The following ZNF608 variants were observed in gnomAD, a reference collection of about 807,000 sequenced individuals.
ZNF608 encodes zinc finger protein 608, also known as renal carcinoma antigen NY-REN-36.
In ZNF608, 12 loss-of-function variants were observed where a neutral mutation model predicts 109.0. The observed-to-expected ratio is 0.11, with a 90% confidence interval of 0.07 to 0.18. The LOEUF (loss-of-function observed/expected upper bound fraction) is 0.18, where lower values mean the gene tolerates loss of function less well. Among genes scored for constraint, ZNF608 ranks in the 10% least tolerant of loss-of-function variants. The pLI is 1.00. For synonymous variants in ZNF608, 732 were observed against 717.4 expected, an observed-to-expected ratio of 1.02 and a Z score of -0.33; for missense variants, 1,707 against 1,879.3, an observed-to-expected ratio of 0.91 and a Z score of 1.70.
intron 2 of ZNF608, among the ~76,000 whole-genome samples, chr5:124,706,287 A>G (rs940330611): frequency 6.6e-6 from 1 of 152,216 alleles, no homozygotes; most frequent in Non-Finnish European, 1.5e-5. Context: ...GGCTCATGTG[A>G]CTACTACAGA....
intron 2 of ZNF608, among the ~76,000 whole-genome samples, chr5:124,722,620 C>T (rs914638255): frequency 4.3e-5 from 6 of 139,350 alleles, no homozygotes; most frequent in Non-Finnish European, 6.2e-5. Flanking sequence ...CACACACACA[C>T]GCAAGAAATT....
At chr5:124,701,859 T>G (rs1462463597) in intron 2 of ZNF608, among the ~76,000 whole-genome samples, 1 of 152,198 alleles carries the variant, frequency 6.6e-6, no homozygotes, top group African/African-American at 2.4e-5. Context: ...AGCATTCTAT[T>G]GCAAAGTTTA....
intron 8 of ZNF608, among the ~76,000 whole-genome samples, chr5:124,640,424 A>G (rs750843451): frequency 2.0e-5 from 3 of 152,172 alleles, no homozygotes; most frequent in Non-Finnish European, 4.4e-5. Context: ...CCACCAGCTC[A>G]TGCACAAAGA....
rs34750134 is a variant in ZNF608, at chr5:124,637,667, T to TTATA, written c.*229_*232dup. 848 of 175,360 alleles carry TTATA rather than the reference T, an allele frequency of 4.8e-3. 3 individuals are homozygous for TTATA. The highest frequency in any genetic ancestry group is 0.012 in the African/African-American group (503 of 41,108). The allele number at this position is 175,360 out of a possible 1,614,324, so 10.9% of individuals were successfully genotyped here. On this transcript the variant is annotated 3_prime_UTR_variant, in exon 10 of 10. Transcript: ENST00000513986. ...CAAAAAGTAAAGAATATATTTATAT[T>TTATA]TATATATATATATATGTATATATAC...
At chr5:124,715,882 G>C (rs983570519) in intron 2 of ZNF608, among the ~76,000 whole-genome samples, 1 of 151,888 alleles carries the variant, frequency 6.6e-6, no homozygotes, top group African/African-American at 2.4e-5. Flanking sequence ...GGTGGCTCAC[G>C]CCTGTAATCC....
intron 4 of ZNF608, among the ~76,000 whole-genome samples, chr5:124,649,381 T>TTTGAGAAA (rs1351691138): frequency 7.2e-5 from 11 of 152,118 alleles, no homozygotes; most frequent in Admixed American, 2.0e-4. Context: ...AAATTCCCAC[T>TTTGAGAAA]TTGAGAAAAA....
intron 2 of ZNF608, among the ~76,000 whole-genome samples, chr5:124,731,517 C>T (rs1386740721): frequency 6.6e-6 from 1 of 151,946 alleles, no homozygotes; most frequent in Non-Finnish European, 1.5e-5. Context: ...AGCCAACTGA[C>T]ACAAGATTTA....
chr5:124,638,776 C>T (rs1402350963), intron 9 of ZNF608: 2 of 995,788 alleles, frequency 2.0e-6, no homozygotes, highest in African/African-American at 3.5e-5. Context: ...AAAGAACAAA[C>T]ATTACCTTTA....
intron 3 of ZNF608, chr5:124,666,351 G>A (rs947035057): frequency 5.9e-5 from 9 of 152,270 alleles, no homozygotes; most frequent in East Asian, 3.9e-4. Flanking sequence ...TGGTGAATGC[G>A]CCACTACTGG....
intron 2 of ZNF608, among the ~76,000 whole-genome samples, chr5:124,739,444 G>C (rs1749285804): frequency 6.6e-6 from 1 of 152,178 alleles, no homozygotes; most frequent in Non-Finnish European, 1.5e-5. Context: ...ACTGATAAAC[G>C]CTGACCAGAG....
chr5:124,728,180 T>G (rs1417833870), intron 2 of ZNF608, among the ~76,000 whole-genome samples: 2 of 152,188 alleles, frequency 1.3e-5, no homozygotes, highest in African/African-American at 4.8e-5. Context: ...GACCAGTCCC[T>G]ACCTTTGAAT....
In ZNF608 at chr5:124,746,599, A is replaced by G; in HGVS notation, c.-588T>C. 1.0e-6 allele frequency: 1 copy of G among 985,442 alleles called. No homozygotes were observed. Among genetic ancestry groups the G allele is most frequent in the Non-Finnish European group, 1.2e-6 (1 of 829,928 alleles). 61.0% of individuals were successfully genotyped at this position (985,442 alleles called of 1,614,324 possible). On this transcript the variant is annotated 5_prime_UTR_variant, in exon 1 of 10. Coordinates refer to ENST00000513986, the MANE Select transcript of ZNF608 (RefSeq NM_020747.3). ...AGACTTCAGAGTCACCGTGATCAGT[A>G]ATGATCCCATGTAGCAAACCTACAG...
intron 2 of ZNF608, among the ~76,000 whole-genome samples, chr5:124,711,305 C>G (rs1446599168): frequency 6.6e-6 from 1 of 152,212 alleles, no homozygotes; most frequent in Non-Finnish European, 1.5e-5. Flanking sequence ...TAGAAACATA[C>G]AGAGGAAGAA....
intron 2 of ZNF608, among the ~76,000 whole-genome samples, chr5:124,704,195 G>A (rs1440283603): frequency 2.6e-5 from 4 of 152,180 alleles, no homozygotes; most frequent in Non-Finnish European, 5.9e-5. Flanking sequence ...TGTGATAATA[G>A]TCTTTAGACT....
rs966923212 is a variant in ZNF608, at chr5:124,649,656, C to T, written c.1204G>A (p.Val402Met). ...TTGGTGCAGTCCAGTAGGGTTCCCACGTACGTTTTGTTCCTCCACGTGACA... is the reference window on the plus strand; with the variant it reads ...TTGGTGCAGTCCAGTAGGGTTCCCATGTACGTTTTGTTCCTCCACGTGACA... ...VNVTWRNKTY[V>M]GTLLDCTKHD... is the part of the protein sequence containing the mutation. Residue 402 changes from valine (V) to methionine (M), a missense_variant, in exon 4 of 10, where the codon GTG (valine) becomes ATG (methionine). Physicochemically the swap from Val to Met is conservative, Grantham distance 21 (BLOSUM62 1). Coordinates refer to ENST00000513986, the MANE Select transcript of ZNF608 (RefSeq NM_020747.3). The T allele has an allele frequency of 8.1e-6, 13 of 1,610,330 alleles. No individual in the cohort carries two copies. Among genetic ancestry groups the T allele is most frequent in the Non-Finnish European group, 1.0e-5 (12 of 1,177,418 alleles).
upstream of ZNF608, among the ~76,000 whole-genome samples, chr5:124,748,190 G>A (rs886108040): frequency 7.9e-5 from 12 of 152,134 alleles, no homozygotes; most frequent in African/African-American, 2.9e-4. Flanking sequence ...TGGGAGGGGG[G>A]TCTGCCCAGC....
intron 2 of ZNF608, among the ~76,000 whole-genome samples, chr5:124,742,017 C>T (rs1422438797): frequency 6.6e-6 from 1 of 152,194 alleles, no homozygotes; most frequent in Non-Finnish European, 1.5e-5. Context: ...ATCTAAATTG[C>T]AGTGTGCTTT....
intron 3 of ZNF608, among the ~76,000 whole-genome samples, chr5:124,692,991 TGGG>T (rs1014407472): frequency 6.6e-6 from 1 of 152,016 alleles, no homozygotes; most frequent in Non-Finnish European, 1.5e-5. Context: ...GTCAACAAAA[TGGG>T]GGGATTGGAG....
At chr5:124,693,974 C>CTTATTTTTTTTT (rs1752723547) in intron 3 of ZNF608, among the ~76,000 whole-genome samples, 1 of 60,934 alleles carries the variant, frequency 1.6e-5, no homozygotes, top group Admixed American at 2.8e-4. Flanking sequence ...TTTCATTAAT[C>CTTATTTTTTTTT]TTTTTTTTTT....
Sources: allele counts gnomAD v4.1 joint callset (sites outside exome capture counted in the v4.1 genomes callset), GRCh38; gene constraint gnomAD v4.1.1; transcripts MANE v1.5; gene names NCBI Gene and HGNC (gene_info 2026-07-23, HGNC 2026-07-21).